NRXN3: variants seen among roughly 807,000 people sequenced by gnomAD.
NRXN3 encodes the protein neurexin III.
In NRXN3, 32 loss-of-function variants were observed where a neutral mutation model predicts 137.6. That is an observed-to-expected ratio of 0.23 (90% CI 0.18 to 0.31). The LOEUF is 0.31. Ranked by LOEUF, NRXN3 falls within the 10% of genes least tolerant of loss-of-function variation. The probability of loss-of-function intolerance (pLI) is 1.00; values close to 1 mark genes in which losing one functional copy is unlikely to be tolerated. For missense variants in NRXN3, 1,574 were observed against 2,062.5 expected (o/e 0.76, Z 4.59); for synonymous variants, 798 against 784.5 (o/e 1.02, Z -0.29).
At chr14:79,116,401 T>C (rs891449966) in intron 15 of NRXN3, among the ~76,000 whole-genome samples, 1 of 152,236 alleles carries the variant, frequency 6.6e-6, no homozygotes. Context: ...CTCTAAGCTG[T>C]AATGGATGCA....
chr14:78,524,768 C>T (rs367849276), intron 4 of NRXN3, among the ~76,000 whole-genome samples: 4 of 152,060 alleles, frequency 2.6e-5, no homozygotes, highest in Admixed American at 6.6e-5. Flanking sequence ...ATTAAGCTCC[C>T]TTTTCAAAAT....
intron 10 of NRXN3, among the ~76,000 whole-genome samples, chr14:78,940,312 C>T (rs2152906389): frequency 6.6e-6 from 1 of 152,316 alleles, no homozygotes; most frequent in African/African-American, 2.4e-5. Context: ...ACACCACTAT[C>T]TTCTTAACCC....
chr14:78,540,799 G>T (rs2096582504), intron 4 of NRXN3, among the ~76,000 whole-genome samples: 1 of 152,132 alleles, frequency 6.6e-6, no homozygotes, highest in Admixed American at 6.5e-5. Flanking sequence ...AGGAGCTCTT[G>T]TAAGACAGGT....
chr14:79,760,476 T>C (rs1190009204), intron 19 of NRXN3, among the ~76,000 whole-genome samples: 1 of 150,124 alleles, frequency 6.7e-6, no homozygotes, highest in Non-Finnish European at 1.5e-5. Context: ...TGGCCCGTGG[T>C]ATTCTCTTTA....
At chr14:78,887,539 C>T (rs31397) in intron 10 of NRXN3, among the ~76,000 whole-genome samples, 39,594 of 151,648 alleles carry the variant, frequency 0.26, 8,221 homozygotes, top group African/African-American at 0.57. Context: ...TGATTTTTTT[C>T]CCCCAGTATT....
chr14:78,200,148 G>A (rs771889840), intron 1 of NRXN3, among the ~76,000 whole-genome samples: 1 of 152,164 alleles, frequency 6.6e-6, no homozygotes, highest in South Asian at 2.1e-4. Flanking sequence ...TGGTTCATCT[G>A]CTTTGTCTGG....
At chr14:78,923,235 T>C (rs140973672) in intron 10 of NRXN3, among the ~76,000 whole-genome samples, 15 of 152,232 alleles carry the variant, frequency 9.9e-5, no homozygotes, top group African/African-American at 3.6e-4. Context: ...ACACTTTTTG[T>C]TGTACATCTC....
chr14:79,651,829 C>G (rs2098477483), intron 16 of NRXN3, among the ~76,000 whole-genome samples: 1 of 152,164 alleles, frequency 6.6e-6, no homozygotes, highest in African/African-American at 2.4e-5. Context: ...GTGTTTGGGT[C>G]ATTCCTAGAT....
chr14:78,855,632 T>C lies in NRXN3; in HGVS notation c.2275+45288T>C, dbSNP rs376527855. On this transcript the variant is annotated intron_variant, in intron 10 of 20. Transcript: ENST00000335750. Reference sequence around the variant, plus strand: ...AAACTAAACCTGTTTTCTATCAAATTCTAAGAACCCAGAGGCAATGAATGC... The same window carrying C: ...AAACTAAACCTGTTTTCTATCAAATCCTAAGAACCCAGAGGCAATGAATGC... 3.9e-4 allele frequency among the ~76,000 whole-genome samples: 59 copies of C among 152,338 alleles called. 3 individuals are homozygous for C. In the South Asian group the frequency reaches 0.012, roughly 32 times the overall value.
intron 4 of NRXN3, among the ~76,000 whole-genome samples, chr14:78,579,736 G>A (rs2096973994): frequency 6.6e-6 from 1 of 152,120 alleles, no homozygotes; most frequent in Non-Finnish European, 1.5e-5. Context: ...GTGGGAGCAT[G>A]AAAGTTCACC....
chr14:79,247,452 T>G (rs2075346203), intron 15 of NRXN3: 2 of 152,176 alleles, frequency 1.3e-5, no homozygotes, highest in South Asian at 4.1e-4. Flanking sequence ...AAGTCCACTT[T>G]CCCAAAACTA....
chr14:79,432,627 T>G (rs767594688), intron 15 of NRXN3, among the ~76,000 whole-genome samples: 8 of 152,222 alleles, frequency 5.3e-5, no homozygotes, highest in Non-Finnish European at 1.2e-4. Context: ...TTGGTTAACA[T>G]CCTTAATATT....
At chr14:78,193,172 C>A (rs1354926671) in intron 1 of NRXN3, among the ~76,000 whole-genome samples, 1 of 152,134 alleles carries the variant, frequency 6.6e-6, no homozygotes, top group Admixed American at 6.5e-5. Flanking sequence ...GGGGCTGGGC[C>A]AGTGGATAAA....
chr14:79,806,054 A>G (rs1317432880), intron 20 of NRXN3, among the ~76,000 whole-genome samples: 1 of 152,180 alleles, frequency 6.6e-6, no homozygotes, highest in African/African-American at 2.4e-5. Context: ...TTAAACGTTT[A>G]TATGTATATA....
At chr14:78,191,549 G>A (rs1264824112) in intron 1 of NRXN3, among the ~76,000 whole-genome samples, 1 of 152,190 alleles carries the variant, frequency 6.6e-6, no homozygotes, top group Non-Finnish European at 1.5e-5. Context: ...CGCTGCAATA[G>A]TCCCTTTCCC....
chr14:78,459,898 A>G (rs77637587), intron 4 of NRXN3, among the ~76,000 whole-genome samples: 6,032 of 152,148 alleles, frequency 0.04, 377 homozygotes, highest in East Asian at 0.34. Flanking sequence ...GTCCAGTCCT[A>G]CAGGTTAAGG....
chr14:78,492,855 A>G (rs2095694949), intron 4 of NRXN3, among the ~76,000 whole-genome samples: 1 of 152,226 alleles, frequency 6.6e-6, no homozygotes, highest in South Asian at 2.1e-4. Flanking sequence ...GAAGAATATC[A>G]TCTTGCTATG....
chr14:78,731,080 T>A (rs1179646019), intron 8 of NRXN3, among the ~76,000 whole-genome samples: 4 of 152,202 alleles, frequency 2.6e-5, no homozygotes, highest in Admixed American at 2.6e-4. Flanking sequence ...CACTTTAGTT[T>A]TTTTCTTATG....
chr14:78,652,838 C>T (rs1196282161), intron 6 of NRXN3, among the ~76,000 whole-genome samples: 1 of 152,186 alleles, frequency 6.6e-6, no homozygotes, highest in African/African-American at 2.4e-5. Flanking sequence ...CTTTTTAAGC[C>T]ATGATCTCCA....
Sources: allele counts gnomAD v4.1 joint callset (sites outside exome capture counted in the v4.1 genomes callset), GRCh38; gene constraint gnomAD v4.1.1; transcripts MANE v1.5; gene names NCBI Gene and HGNC (gene_info 2026-07-23, HGNC 2026-07-21).